Variants in SP4 observed in about 807,000 individuals in gnomAD.
SP4 encodes transcription factor Sp4.
In SP4, 19 loss-of-function variants were observed where a neutral mutation model predicts 72.8. That is an observed-to-expected ratio of 0.26 (90% CI 0.18 to 0.38). The LOEUF (loss-of-function observed/expected upper bound fraction) is 0.38. SP4 is among the 10% of genes least tolerant of loss of function. SP4 has a pLI of 1.00. For missense variants in SP4, 1,008 were observed against 926.3 expected (o/e 1.09, Z -1.14); for synonymous variants, 395 against 333.1 (o/e 1.19, Z -2.02).
chr7:21,489,575 T>C (rs1583437981), intron 5 of SP4, among the ~76,000 whole-genome samples: 1 of 128,998 alleles, frequency 7.8e-6, no homozygotes. Context: ...TTTTTTTTTT[T>C]TTGAGATGGA....
intron 3 of SP4, among the ~76,000 whole-genome samples, chr7:21,458,294 G>C (rs1162734923): frequency 6.6e-6 from 1 of 152,096 alleles, no homozygotes; most frequent in Non-Finnish European, 1.5e-5. Flanking sequence ...CTGGGTTCAA[G>C]CAATTCTTCC....
chr7:21,475,158 A>G (rs1784462740), intron 3 of SP4, among the ~76,000 whole-genome samples: 1 of 149,110 alleles, frequency 6.7e-6, no homozygotes, highest in Non-Finnish European at 1.5e-5. Context: ...CTTGACGCCC[A>G]GGCTGGAGTG....
chr7:21,491,093 G>A (rs921804460), intron 5 of SP4, among the ~76,000 whole-genome samples: 5 of 152,162 alleles, frequency 3.3e-5, no homozygotes, highest in African/African-American at 9.7e-5. Context: ...AGATGATCTA[G>A]ATTTCGGAAT....
intron 1 of SP4, 44 bp from the exon 2 acceptor site, chr7:21,428,633 A>T (rs1211433221): frequency 2.7e-6 from 4 of 1,486,044 alleles, no homozygotes; most frequent in Non-Finnish European, 3.7e-6. Context: ...TAATAATCCT[A>T]ATAACCTGTT....
chr7:21,486,809 G>A (rs1363981259), intron 5 of SP4, among the ~76,000 whole-genome samples: 1 of 152,198 alleles, frequency 6.6e-6, no homozygotes, highest in African/African-American at 2.4e-5. Flanking sequence ...CATTCAGGGG[G>A]AAGAGAACTA....
chr7:21,479,846 T>G (rs1315824032), intron 4 of SP4, among the ~76,000 whole-genome samples: 3 of 152,234 alleles, frequency 2.0e-5, no homozygotes, highest in Admixed American at 6.5e-5. Context: ...GTACTTTTGT[T>G]AAATTCCAAT....
At chr7:21,453,711 T>C (rs1783670142) in intron 3 of SP4, among the ~76,000 whole-genome samples, 1 of 152,228 alleles carries the variant, frequency 6.6e-6, no homozygotes, top group East Asian at 1.9e-4. Context: ...AGACCTTTTA[T>C]AACCCTTTAC....
At chr7:21,460,730 A>G (rs1215203200) in intron 3 of SP4, among the ~76,000 whole-genome samples, 1 of 151,970 alleles carries the variant, frequency 6.6e-6, no homozygotes, top group Non-Finnish European at 1.5e-5. Flanking sequence ...GCTAGACACA[A>G]AAGTTCTCCA....
At chr7:21,499,791 T>C (rs1336786074) in intron 5 of SP4, among the ~76,000 whole-genome samples, 1 of 152,228 alleles carries the variant, frequency 6.6e-6, no homozygotes, top group Non-Finnish European at 1.5e-5. Context: ...AGAAATAGCA[T>C]TAGTAATTTA....
intron 5 of SP4, among the ~76,000 whole-genome samples, chr7:21,492,393 C>T (rs899472303): frequency 6.6e-5 from 10 of 152,080 alleles, no homozygotes; most frequent in Admixed American, 1.3e-4. Flanking sequence ...TCACAGCGCT[C>T]CAAAATCTGA....
At chr7:21,505,560 C>A (rs556517865) in intron 5 of SP4, among the ~76,000 whole-genome samples, 7 of 152,300 alleles carry the variant, frequency 4.6e-5, no homozygotes, top group African/African-American at 1.7e-4. Flanking sequence ...ATAGCATCTT[C>A]CCATTCAAAG....
At position 21,464,560 on chromosome 7, in the gene SP4, T is replaced by G. The variant is rs934718275; in HGVS notation, c.1679-12519T>G. On this transcript the variant is annotated intron_variant, in intron 3 of 5. Coordinates refer to ENST00000222584, the MANE Select transcript of SP4 (RefSeq NM_003112.5). ...ACCCCTGCTCCGTTTGTCACAATCT[T>G]TGTTTAAAAATCTATTTTCTATTTT... is the stretch of plus-strand genomic sequence containing the variant. 8.6e-5 allele frequency among the ~76,000 whole-genome samples: 13 copies of G among 150,452 alleles called. No individual in the cohort carries two copies. The Admixed American group carries it at 8.7e-4, about 10-fold the overall frequency.
At chr7:21,451,923 C>G (rs4722032) in intron 3 of SP4, among the ~76,000 whole-genome samples, 6,516 of 152,250 alleles carry the variant, frequency 0.043, 231 homozygotes, top group Admixed American at 0.076. Context: ...TGTAGTCATG[C>G]CGGCTGAGAC....
intron 5 of SP4, among the ~76,000 whole-genome samples, chr7:21,495,391 A>C (rs1781675985): frequency 1.3e-5 from 2 of 152,136 alleles, no homozygotes; most frequent in Admixed American, 6.5e-5. Flanking sequence ...TTTTAAACTC[A>C]GTGTAAACAA....
At chr7:21,501,970 A>G (rs1312170561) in intron 5 of SP4, among the ~76,000 whole-genome samples, 1 of 149,114 alleles carries the variant, frequency 6.7e-6, no homozygotes, top group African/African-American at 2.5e-5. Context: ...CATTCTTAAT[A>G]GTTGACCACC....
At chr7:21,453,327 A>C (rs930470146) in intron 3 of SP4, among the ~76,000 whole-genome samples, 8 of 152,178 alleles carry the variant, frequency 5.3e-5, no homozygotes, top group African/African-American at 1.9e-4. Flanking sequence ...TAAGCCTATC[A>C]GTAATTATAA....
intron 5 of SP4, among the ~76,000 whole-genome samples, chr7:21,508,081 C>G (rs181774164): frequency 6.6e-6 from 1 of 152,124 alleles, no homozygotes; most frequent in Non-Finnish European, 1.5e-5. Context: ...CCTCTGCTGC[C>G]TCCTGAATAA....
At chr7:21,492,805 T>C (rs551966299) in intron 5 of SP4, among the ~76,000 whole-genome samples, 48 of 152,196 alleles carry the variant, frequency 3.2e-4, no homozygotes, top group Non-Finnish European at 6.8e-4. Context: ...CACTCCACTT[T>C]AAAGAATATC....
chr7:21,482,721 A>G (rs767741158), intron 5 of SP4: 235 of 975,150 alleles, frequency 2.4e-4, no homozygotes, highest in Non-Finnish European at 2.8e-4. Context: ...ACTCTGACAT[A>G]TATGATTAAT....
Sources: gnomAD v4.1 joint callset for allele counts (sites outside exome capture counted in the v4.1 genomes callset) on GRCh38, gnomAD v4.1.1 for gene constraint, MANE v1.5 for transcripts, NCBI Gene and HGNC (gene_info 2026-07-23, HGNC 2026-07-21) for gene names.